Variants in NKAIN2 observed in about 807,000 individuals in gnomAD.
NKAIN2 encodes sodium/potassium-transporting ATPase subunit beta-1-interacting protein 2.
Under a neutral mutation model 32.6 loss-of-function variants are expected in NKAIN2, and 14 were observed. The observed-to-expected ratio is 0.43, with a 90% CI of 0.28 to 0.67. NKAIN2 has a LOEUF of 0.67. NKAIN2 is among the 30% of genes least tolerant of loss of function. NKAIN2 has a pLI of 0.17. For synonymous variants in NKAIN2, 80 were observed against 87.2 expected (o/e 0.92, Z 0.46); for missense variants, 198 against 258.3 (o/e 0.77, Z 1.60).
intron 1 of NKAIN2, among the ~76,000 whole-genome samples, chr6:124,029,429 C>A (rs1027773336): frequency 2.7e-5 from 4 of 150,220 alleles, no homozygotes; most frequent in Admixed American, 2.0e-4. Flanking sequence ...CAGTAATTGA[C>A]AGCATTTGAA....
At chr6:124,620,621 A>G (rs557006584) in intron 3 of NKAIN2, among the ~76,000 whole-genome samples, 45 of 152,284 alleles carry the variant, frequency 3.0e-4, no homozygotes, top group African/African-American at 1.1e-3. Context: ...TTAATGTAAC[A>G]CTAGTACCTT....
intron 2 of NKAIN2, among the ~76,000 whole-genome samples, chr6:124,353,049 G>A (rs13217444): frequency 6.6e-6 from 1 of 152,144 alleles, no homozygotes; most frequent in Non-Finnish European, 1.5e-5. Context: ...CATACTACAT[G>A]AATGATCATA....
chr6:124,435,413 A>G (rs1775399701), intron 3 of NKAIN2, among the ~76,000 whole-genome samples: 1 of 152,214 alleles, frequency 6.6e-6, no homozygotes, highest in South Asian at 2.1e-4. Context: ...CGCAACCATC[A>G]TAGCTAATGT....
At chr6:124,499,603 A>G (rs1052455977) in intron 3 of NKAIN2, among the ~76,000 whole-genome samples, 5 of 152,166 alleles carry the variant, frequency 3.3e-5, no homozygotes, top group African/African-American at 1.2e-4. Context: ...CTAAAGCCCA[A>G]AGAAAATCTT....
chr6:123,940,302 TTGTG>T lies in NKAIN2; in HGVS notation c.54+136067_54+136070del, dbSNP rs75849088. ...CATGTATTTTATGTGTGTGTTTGGTTTGTGTGTGTGTGTGTGTGTGTGCCTGTGT... is the reference window on the plus strand; with the variant it reads ...CATGTATTTTATGTGTGTGTTTGGTTTGTGTGTGTGTGTGTGTGCCTGTGT... On this transcript the variant is annotated intron_variant, in intron 1 of 6. Transcript: ENST00000368417. Among the ~76,000 whole-genome samples the T allele has an allele frequency of 3.8e-4, 57 of 149,648 alleles. No individual in the cohort carries two copies. In the South Asian group the frequency reaches 5.5e-3, roughly 14 times the overall value.
intron 1 of NKAIN2, among the ~76,000 whole-genome samples, chr6:124,276,733 G>T (rs996221572): frequency 1.3e-5 from 2 of 152,076 alleles, no homozygotes; most frequent in African/African-American, 4.8e-5. Flanking sequence ...ATATTATAAA[G>T]ACCTAGAATA....
intron 1 of NKAIN2, among the ~76,000 whole-genome samples, chr6:124,171,864 T>TGA (rs1235545254): frequency 1.3e-5 from 2 of 148,220 alleles, no homozygotes; most frequent in South Asian, 2.2e-4. Context: ...TTTTTTTTTT[T>TGA]GAGAGAGAGT....
At chr6:123,843,721 A>G (rs1774974949) in intron 1 of NKAIN2, among the ~76,000 whole-genome samples, 1 of 152,060 alleles carries the variant, frequency 6.6e-6, no homozygotes, top group African/African-American at 2.4e-5. Context: ...CTTATATAGG[A>G]TCAGAGCTAC....
chr6:124,692,460 T>C (rs903419769), intron 4 of NKAIN2, among the ~76,000 whole-genome samples: 3 of 152,196 alleles, frequency 2.0e-5, no homozygotes, highest in Admixed American at 6.5e-5. Context: ...GTTATTTTTT[T>C]CACAGTCACT....
chr6:123,855,119 G>T (rs1198976648), intron 1 of NKAIN2, among the ~76,000 whole-genome samples: 1 of 152,122 alleles, frequency 6.6e-6, no homozygotes, highest in Non-Finnish European at 1.5e-5. Flanking sequence ...TACATAAACA[G>T]ATTTAATATA....
intron 3 of NKAIN2, among the ~76,000 whole-genome samples, chr6:124,581,376 T>C (rs1439274103): frequency 3.4e-5 from 5 of 146,690 alleles, no homozygotes; most frequent in African/African-American, 1.0e-4. Context: ...GAAGCGGAGC[T>C]TGCAGTGAGC....
intron 1 of NKAIN2, among the ~76,000 whole-genome samples, chr6:124,274,683 G>A (rs1391714736): frequency 1.3e-5 from 2 of 151,832 alleles, no homozygotes; most frequent in Non-Finnish European, 1.5e-5. Context: ...TTAAAAGTAA[G>A]CATTAACTTA....
intron 1 of NKAIN2, among the ~76,000 whole-genome samples, chr6:123,878,474 T>C (rs1008029396): frequency 2.6e-5 from 4 of 152,154 alleles, no homozygotes; most frequent in African/African-American, 9.6e-5. Context: ...CTTCTATTTT[T>C]ATTTTTATTG....
At chr6:124,142,183 G>A (rs567928560) in intron 1 of NKAIN2, among the ~76,000 whole-genome samples, 2 of 152,240 alleles carry the variant, frequency 1.3e-5, no homozygotes, top group African/African-American at 2.4e-5. Flanking sequence ...AAATCCACTA[G>A]CAGAAATCAT....
chr6:123,974,088 T>G (rs148212694), intron 1 of NKAIN2, among the ~76,000 whole-genome samples: 3 of 152,296 alleles, frequency 2.0e-5, no homozygotes, highest in African/African-American at 7.2e-5. Flanking sequence ...ACCTGTTCAT[T>G]CATCTACAGA....
chr6:124,649,749 G>T (rs1034690315), intron 3 of NKAIN2, among the ~76,000 whole-genome samples: 6 of 152,122 alleles, frequency 3.9e-5, no homozygotes, highest in Non-Finnish European at 8.8e-5. Flanking sequence ...TTGAATCAGA[G>T]AATGTATAAA....
chr6:124,766,196 A>G (rs1248372140), intron 4 of NKAIN2, among the ~76,000 whole-genome samples: 1 of 152,184 alleles, frequency 6.6e-6, no homozygotes, highest in Non-Finnish European at 1.5e-5. Flanking sequence ...GATGCCTGCA[A>G]ACTCAAGCTC....
intron 1 of NKAIN2, among the ~76,000 whole-genome samples, chr6:123,805,775 A>T (rs926979647): frequency 6.6e-6 from 1 of 152,178 alleles, no homozygotes; most frequent in African/African-American, 2.4e-5. Context: ...TTTATATATT[A>T]TTCAGAAAAA....
intron 3 of NKAIN2, among the ~76,000 whole-genome samples, chr6:124,643,549 G>A (rs771706292): frequency 3.9e-5 from 6 of 152,068 alleles, no homozygotes; most frequent in Non-Finnish European, 8.8e-5. Context: ...TTTCCCAAAA[G>A]AGACAATAGC....
Sources: gnomAD v4.1 joint callset for allele counts (sites outside exome capture counted in the v4.1 genomes callset) on GRCh38, gnomAD v4.1.1 for gene constraint, MANE v1.5 for transcripts, NCBI Gene and HGNC (gene_info 2026-07-23, HGNC 2026-07-21) for gene names.